The following NXPE2 variants were observed in gnomAD, a reference collection of about 807,000 sequenced individuals.
The protein encoded by NXPE2 is NXPE family member 2.
NXPE2 carries 34 observed loss-of-function variants against 34.4 expected under a neutral mutation model. That is an observed-to-expected ratio of 0.99 (90% CI 0.75 to 1.31). NXPE2 has a LOEUF of 1.31. Ranked by LOEUF, NXPE2 falls within the 40% of genes most tolerant of loss-of-function variation. The pLI is 0.00. For missense variants in NXPE2, 649 were observed against 672.5 expected (o/e 0.97, Z 0.39); for synonymous variants, 235 against 231.3 (o/e 1.02, Z -0.15).
chr11:114,674,622 C>T (rs76151429), upstream of NXPE2, among the ~76,000 whole-genome samples: 2,967 of 151,054 alleles, frequency 0.02, 48 homozygotes, highest in Non-Finnish European at 0.033. Flanking sequence ...AGAGAAAGAA[C>T]GACACAAAGT....
chr11:114,778,731 G>T, the NXPE2 span, among the ~76,000 whole-genome samples: 1 of 152,158 alleles, frequency 6.6e-6, no homozygotes, highest in Non-Finnish European at 1.5e-5. Flanking sequence ...TCCATCAAAG[G>T]CACTTGGAGC....
the NXPE2 span, among the ~76,000 whole-genome samples, chr11:114,787,841 TC>T: frequency 3.6e-3 from 549 of 152,238 alleles, 3 homozygotes; most frequent in African/African-American, 0.013. Flanking sequence ...CCCGTGTCCA[TC>T]CCCCATTTGA....
the NXPE2 span, among the ~76,000 whole-genome samples, chr11:114,799,291 C>CAAAAAAAAA: frequency 1.3e-4 from 12 of 94,310 alleles, no homozygotes; most frequent in South Asian, 3.9e-4. Context: ...GGCAATGAAG[C>CAAAAAAAAA]AAAAAAAAAA....
chr11:114,756,336 A>G, the NXPE2 span, among the ~76,000 whole-genome samples: 2 of 152,240 alleles, frequency 1.3e-5, no homozygotes, highest in Admixed American at 6.5e-5. Context: ...TCCCTGAAAA[A>G]TAGGGAAAAA....
the NXPE2 span, among the ~76,000 whole-genome samples, chr11:114,744,679 A>T: frequency 1.3e-5 from 2 of 152,076 alleles, no homozygotes; most frequent in Non-Finnish European, 2.9e-5. Context: ...GCATAGTGGC[A>T]TGCACCTGTA....
chr11:114,622,334 C>T, the NXPE2 span, among the ~76,000 whole-genome samples: 3 of 150,504 alleles, frequency 2.0e-5, no homozygotes, highest in South Asian at 6.3e-4. Context: ...TTACCCAATG[C>T]ATCATAAGTG....
the NXPE2 span, among the ~76,000 whole-genome samples, chr11:114,733,389 G>T: frequency 6.6e-6 from 1 of 152,136 alleles, no homozygotes; most frequent in African/African-American, 2.4e-5. Context: ...CACCGTGCCC[G>T]GCCTAATATT....
At chr11:114,727,386 G>T in the NXPE2 span, among the ~76,000 whole-genome samples, 1 of 151,936 alleles carries the variant, frequency 6.6e-6, no homozygotes, top group East Asian at 1.9e-4. Flanking sequence ...CCATTCATGA[G>T]GGCTCTGTCC....
At position 114,706,669 on chromosome 11, in the gene NXPE2, T is replaced by G; in HGVS notation, c.1419T>G (p.Ile473Met). 3 of 1,552,052 alleles carry G rather than the reference T, an allele frequency of 1.9e-6. No homozygotes were observed. The highest frequency in any genetic ancestry group is 2.6e-6 in the Non-Finnish European group (3 of 1,147,054). ...GGGCCATCAATATTCAAAAGGCCAT[T>G]GAACGTCTATTCTTGCGAAGCCCGG... Reference protein sequence around the residue: ...IRRAINIQKAIERLFLRSPET... With the variant: ...IRRAINIQKAMERLFLRSPET... The change falls in exon 6 of 6, where the codon ATT becomes ATG. Residue 473 changes from isoleucine to methionine, a missense_variant. Transcript: ENST00000389586.
At chr11:114,615,396 G>A in the NXPE2 span, among the ~76,000 whole-genome samples, 21,572 of 151,596 alleles carry the variant, frequency 0.14, 1,906 homozygotes, top group East Asian at 0.38. Flanking sequence ...GTATTGCCTC[G>A]GTAACCACAG....
chr11:114,736,111 T>G, the NXPE2 span, among the ~76,000 whole-genome samples: 2 of 151,960 alleles, frequency 1.3e-5, no homozygotes, highest in Admixed American at 1.3e-4. Flanking sequence ...ACAAGGCAAA[T>G]GGAGGCAGGG....
At chr11:114,779,174 T>TAAGAA in the NXPE2 span, among the ~76,000 whole-genome samples, 1 of 152,214 alleles carries the variant, frequency 6.6e-6, no homozygotes, top group African/African-American at 2.4e-5. Context: ...TCTGTGGATA[T>TAAGAA]AAGAAACTTT....
chr11:114,532,226 A>G, the NXPE2 span, among the ~76,000 whole-genome samples: 1 of 152,250 alleles, frequency 6.6e-6, no homozygotes, highest in Admixed American at 6.5e-5. Flanking sequence ...GATATCATTT[A>G]AAAAAGATGA....
chr11:114,491,147 C>T, the NXPE2 span, among the ~76,000 whole-genome samples: 23 of 123,272 alleles, frequency 1.9e-4, no homozygotes, highest in Admixed American at 6.5e-4. Context: ...CCGGCCTGGG[C>T]GACAGAGCGA....
At chr11:114,532,942 A>G in the NXPE2 span, among the ~76,000 whole-genome samples, 1 of 152,218 alleles carries the variant, frequency 6.6e-6, no homozygotes, top group Non-Finnish European at 1.5e-5. Flanking sequence ...CAGCTGCAAT[A>G]AAAGGATTTG....
the NXPE2 span, among the ~76,000 whole-genome samples, chr11:114,759,121 CTT>C: frequency 2.0e-5 from 3 of 152,158 alleles, no homozygotes; most frequent in African/African-American, 7.2e-5. Flanking sequence ...CTCTCTGTCT[CTT>C]TCTCTCTCTC....
intron 5 of NXPE2, 35 bp downstream of exon 5, chr11:114,706,031 G>C: frequency 1.0e-6 from 1 of 961,894 alleles, no homozygotes; most frequent in Non-Finnish European, 1.4e-6. Flanking sequence ...AATTCTATTT[G>C]ACTTTTGAGG....
chr11:114,779,622 G>T, the NXPE2 span, among the ~76,000 whole-genome samples: 1 of 152,096 alleles, frequency 6.6e-6, no homozygotes, highest in Non-Finnish European at 1.5e-5. Context: ...TTTGGGCTCA[G>T]AGGACCCCCT....
the NXPE2 span, among the ~76,000 whole-genome samples, chr11:114,528,246 T>C: frequency 1.3e-5 from 2 of 152,210 alleles, no homozygotes; most frequent in East Asian, 1.9e-4. Flanking sequence ...TTTCCTTGGA[T>C]TACTGTGAGC....
Sources: allele counts gnomAD v4.1 joint callset (sites outside exome capture counted in the v4.1 genomes callset), GRCh38; gene constraint gnomAD v4.1.1; transcripts MANE v1.5; gene names NCBI Gene and HGNC (gene_info 2026-07-23, HGNC 2026-07-21).